Variants in FAM153A observed in about 807,000 individuals in gnomAD.
FAM153A encodes the protein family with sequence similarity 153 member A, also known as protein FAM153A.
In FAM153A, 12 loss-of-function variants were observed where a neutral mutation model predicts 48.1. That is an observed-to-expected ratio of 0.25 (90% CI 0.16 to 0.40). FAM153A has a LOEUF of 0.40. Among genes scored for constraint, FAM153A ranks in the 10% least tolerant of loss-of-function variants. The probability of loss-of-function intolerance (pLI) is 1.00; values close to 1 mark genes in which losing one functional copy is unlikely to be tolerated. For missense variants in FAM153A, 111 were observed against 345.8 expected (o/e 0.32, Z 5.38); for synonymous variants, 36 against 118.2 (o/e 0.30, Z 4.51).
At chr5:177,728,486 A>C (rs1478161525) in intron 18 of FAM153A, among the ~76,000 whole-genome samples, 3 of 146,700 alleles carry the variant, frequency 2.0e-5, no homozygotes, top group African/African-American at 5.2e-5. Flanking sequence ...CCCACCTTAC[A>C]TGACACTGCT....
At chr5:177,729,693 C>T (rs889204534) in intron 16 of FAM153A, 138 bp from the exon 19 acceptor site, 2 of 1,533,160 alleles carry the variant, frequency 1.3e-6, no homozygotes, top group African/African-American at 2.9e-5. Flanking sequence ...GGTCCATCCT[C>T]CGTGGTGGAG....
chr5:177,696,349 C>T, the FAM153A span, among the ~76,000 whole-genome samples: 1 of 149,034 alleles, frequency 6.7e-6, no homozygotes, highest in Non-Finnish European at 1.5e-5. Flanking sequence ...GGCGGCCGGG[C>T]AGAGGCGCTC....
At chr5:177,718,722 A>G (rs1760386048), downstream of FAM153A, 1 of 135,698 alleles carries the variant, frequency 7.4e-6, no homozygotes, top group Admixed American at 7.3e-5. Context: ...AAAATAAAAC[A>G]GGCTCTAAGG....
chr5:177,718,772 A>G (rs1337145600), downstream of FAM153A, among the ~76,000 whole-genome samples: 1 of 142,954 alleles, frequency 7.0e-6, no homozygotes, highest in South Asian at 2.4e-4. Flanking sequence ...AAAAAAGACT[A>G]AGACATAAAT....
chr5:177,753,074 A>G (rs1767242507), intron 1 of FAM153A: 1 of 787,834 alleles, frequency 1.3e-6, no homozygotes, highest in African/African-American at 1.9e-5. Flanking sequence ...GTAGACAAAT[A>G]GGAGCTGGGG....
downstream of FAM153A, among the ~76,000 whole-genome samples, chr5:177,704,538 C>T (rs561733784): frequency 7.4e-3 from 866 of 116,402 alleles, 6 homozygotes; most frequent in Middle Eastern, 0.021. Flanking sequence ...TGTTTGAGGT[C>T]GGGCATGGTG....
intron 1 of FAM153A, among the ~76,000 whole-genome samples, chr5:177,759,868 G>A (rs1333219503): frequency 2.6e-5 from 4 of 151,686 alleles, no homozygotes; most frequent in Non-Finnish European, 5.9e-5. Context: ...ACAAGTTAAT[G>A]GGTGCAGCAC....
At chr5:177,746,063 C>T (rs1765938294) in intron 4 of FAM153A, among the ~76,000 whole-genome samples, 1 of 151,304 alleles carries the variant, frequency 6.6e-6, no homozygotes, top group South Asian at 2.1e-4. Flanking sequence ...TGTAGTAGCC[C>T]ATGGCATTAA....
chr5:177,701,795 T>C, the FAM153A span, among the ~76,000 whole-genome samples: 1 of 151,780 alleles, frequency 6.6e-6, no homozygotes, highest in African/African-American at 2.4e-5. Flanking sequence ...TGGAACTTCT[T>C]AGAGACTGGT....
intron 1 of FAM153A, among the ~76,000 whole-genome samples, chr5:177,751,233 TG>T: frequency 8.9e-6 from 1 of 112,954 alleles, no homozygotes; most frequent in East Asian, 2.5e-4. Flanking sequence ...CACGTATAAG[TG>T]TGCAGGCAAA....
chr5:177,755,180 T>A (rs1288758241), upstream of FAM153A, among the ~76,000 whole-genome samples: 1 of 151,928 alleles, frequency 6.6e-6, no homozygotes, highest in Non-Finnish European at 1.5e-5. Flanking sequence ...GAGAACTATG[T>A]GACAAATGCA....
intron 16 of FAM153A, among the ~76,000 whole-genome samples, chr5:177,730,632 G>A (rs1322767045): frequency 1.6e-5 from 2 of 126,322 alleles, no homozygotes; most frequent in South Asian, 2.9e-4. Context: ...TCTCCCACAT[G>A]CACACAGAAG....
In FAM153A at chr5:177,760,234, C is replaced by CTTTTTTTTT. The variant is rs1337707844; in HGVS notation, c.-56-11536_-56-11535insAAAAAAAAA. Among the ~76,000 whole-genome samples, 5 of 96,860 alleles carry CTTTTTTTTT rather than the reference C, an allele frequency of 5.2e-5. 1 individual carries two copies. Among genetic ancestry groups the CTTTTTTTTT allele is most frequent in the African/African-American group, 4.2e-5 (1 of 23,786 alleles). The allele number at this position is 96,860 out of a possible 152,430, so 63.5% of individuals were successfully genotyped here. On this transcript the variant is annotated intron_variant, in intron 1 of 8. Transcript: ENST00000393518. ...TCTCTTAATGCCAAATTGGGAAAGA[C>CTTTTTTTTT]CTTTTTTTTTTTTTTTTTTTGAGAT...
At chr5:177,701,774 G>A in the FAM153A span, among the ~76,000 whole-genome samples, 1 of 151,834 alleles carries the variant, frequency 6.6e-6, no homozygotes, top group East Asian at 1.9e-4. Flanking sequence ...ACAGGAAGAT[G>A]AGGGAAAGCT....
downstream of FAM153A, among the ~76,000 whole-genome samples, chr5:177,707,282 G>T (rs1757956038): frequency 6.6e-6 from 1 of 151,744 alleles, no homozygotes; most frequent in African/African-American, 2.4e-5. Flanking sequence ...CCACATTTTA[G>T]GCCACAAAAC....
At chr5:177,751,434 C>A (rs950047859) in intron 1 of FAM153A, among the ~76,000 whole-genome samples, 2 of 140,422 alleles carry the variant, frequency 1.4e-5, no homozygotes, top group Admixed American at 1.4e-4. Context: ...TTAAATGGAC[C>A]TAAAGCCTTA....
At chr5:177,753,910 T>C (rs562962156), upstream of FAM153A, among the ~76,000 whole-genome samples, 47 of 151,856 alleles carry the variant, frequency 3.1e-4, 1 homozygote, top group South Asian at 3.7e-3. Flanking sequence ...CCAGCGTGAG[T>C]GATGCAGAAT....
At chr5:177,770,062 A>G in intron 1 of FAM153A, among the ~76,000 whole-genome samples, 1 of 127,740 alleles carries the variant, frequency 7.8e-6, no homozygotes, top group Admixed American at 8.1e-5. Context: ...GAGTCATGTC[A>G]TCATAACACA....
chr5:177,701,911 CTTT>C, the FAM153A span, among the ~76,000 whole-genome samples: 5 of 144,456 alleles, frequency 3.5e-5, no homozygotes, highest in Admixed American at 6.9e-5. Context: ...GCAAAGGTCA[CTTT>C]TTTTTTTTTT....
Sources: gnomAD v4.1 joint callset for allele counts (sites outside exome capture counted in the v4.1 genomes callset) on GRCh38, gnomAD v4.1.1 for gene constraint, MANE v1.5 for transcripts, NCBI Gene and HGNC (gene_info 2026-07-23, HGNC 2026-07-21) for gene names.